Variants in FANCA observed in about 807,000 individuals in gnomAD.
FANCA encodes Fanconi anemia group A protein.
Under a neutral mutation model 194.3 loss-of-function variants are expected in FANCA, and 236 were observed. The observed-to-expected ratio is 1.21, with a 90% CI of 1.09 to 1.35. FANCA has a LOEUF of 1.35. FANCA is among the 40% of genes most tolerant of loss of function. FANCA has a pLI of 0.00. For missense variants in FANCA, 2,628 were observed against 1,813.9 expected, an observed-to-expected ratio of 1.45 and a Z score of -8.15; for synonymous variants, 1,014 against 715.8, an observed-to-expected ratio of 1.42 and a Z score of -6.65.
intron 11 of FANCA, among the ~76,000 whole-genome samples, chr16:89,792,976 A>G (rs9928681): frequency 0.43 from 64,714 of 151,942 alleles, 15,221 homozygotes; most frequent in East Asian, 0.76. Flanking sequence ...TCACTAATTT[A>G]CTACTGCTAT....
At chr16:89,801,074 G>A (rs569229793) in intron 8 of FANCA, among the ~76,000 whole-genome samples, 5 of 147,388 alleles carry the variant, frequency 3.4e-5, no homozygotes, top group South Asian at 2.2e-4. Context: ...GGCCAGGCAC[G>A]GTAGCCCACG....
rs1219627612 is a variant in FANCA at position 89,739,284 on chromosome 16, A to C, written c.4016T>G (p.Leu1339Arg). The C allele has an allele frequency of 1.2e-6, 2 of 1,614,138 alleles. No individual in the cohort carries two copies. The highest frequency in any genetic ancestry group is 1.7e-6 in the Non-Finnish European group (2 of 1,180,042). The change falls in exon 41 of 43, where the codon CTC (leucine) becomes CGC (arginine). Residue 1339 changes from leucine to arginine, a missense_variant. By Grantham distance (102) the Leu-to-Arg change is moderately radical. Transcript: ENST00000389301. ...GGCCGCGTCTTCATGGAAGTAGGAG[A>C]GAAGACTAGAGGTAAAGACATAGTG... ...RLLPFAFYSL[L>R]SYFHEDAAIR...
intron 10 of FANCA, chr16:89,798,761 C>T (rs950296289): frequency 2.2e-6 from 3 of 1,383,172 alleles, no homozygotes; most frequent in African/African-American, 2.9e-5. Flanking sequence ...CAGCGGGAGT[C>T]TGTAGAGGCA....
chr16:89,752,667 C>A (rs976940271), intron 30 of FANCA, among the ~76,000 whole-genome samples: 2 of 152,160 alleles, frequency 1.3e-5, no homozygotes, highest in Non-Finnish European at 2.9e-5. Flanking sequence ...AAAAACCAGG[C>A]CATACAGAGA....
At position 89,739,562 on chromosome 16, in the gene FANCA, C is replaced by T. The variant is rs9282680; in HGVS notation, c.3935-9G>A. On this transcript the variant is annotated splice_polypyrimidine_tract_variant and intron_variant, in intron 39 of 42. Coordinates refer to ENST00000389301, the MANE Select transcript of FANCA (RefSeq NM_000135.4). ...CCGCCCCAGCCTGAGGTCTGCAACACCAAGAAGTGGCTCAGGCAACTCTGG... is the reference window on the plus strand; with the variant it reads ...CCGCCCCAGCCTGAGGTCTGCAACATCAAGAAGTGGCTCAGGCAACTCTGG... 2,772 of 1,551,066 alleles carry T rather than the reference C, an allele frequency of 1.8e-3. 46 individuals are homozygous for T. In the African/African-American group the frequency reaches 0.034, roughly 19 times the overall value.
chr16:89,758,529 A>G (rs751506550), intron 30 of FANCA, 48 bp downstream of exon 30: 10 of 1,603,550 alleles, frequency 6.2e-6, no homozygotes, highest in East Asian at 2.2e-5. Flanking sequence ...TATATATCCT[A>G]TTAGTCCTGT....
At chr16:89,765,808 T>C (rs1422028648) in intron 27 of FANCA, among the ~76,000 whole-genome samples, 1 of 152,192 alleles carries the variant, frequency 6.6e-6, no homozygotes, top group Non-Finnish European at 1.5e-5. Flanking sequence ...CTCCATGTTT[T>C]CTTTAAAAAC....
chr16:89,805,396 G>T lies in FANCA; in HGVS notation c.597-4C>A. ...CACAGCATGCATGTCGGGATGGCTGGAGACACACACAGAGGCAGACGTAAG... is the reference window on the plus strand; with the variant it reads ...CACAGCATGCATGTCGGGATGGCTGTAGACACACACAGAGGCAGACGTAAG... On this transcript the variant is annotated splice_region_variant and splice_polypyrimidine_tract_variant and intron_variant, in intron 6 of 42. Coordinates refer to ENST00000389301, the MANE Select transcript of FANCA (RefSeq NM_000135.4). The T allele has an allele frequency of 6.2e-7, 1 of 1,610,214 alleles. No homozygotes were observed. The highest frequency in any genetic ancestry group is 1.1e-5 in the South Asian group (1 of 90,898).
intron 15 of FANCA, among the ~76,000 whole-genome samples, chr16:89,784,135 G>A (rs1237948215): frequency 2.0e-5 from 3 of 152,048 alleles, no homozygotes; most frequent in South Asian, 2.1e-4. Context: ...GGAGGCCAAG[G>A]CGGAAGGATC....
At position 89,737,930 on chromosome 16, in the gene FANCA, C is replaced by A. The variant is rs751741235; in HGVS notation, c.*671G>T. 3 of 1,610,402 alleles carry A rather than the reference C, an allele frequency of 1.9e-6. No individual in the cohort carries two copies. The highest frequency in any genetic ancestry group is 2.7e-5 in the African/African-American group (2 of 74,248). On this transcript the variant is annotated 3_prime_UTR_variant, in exon 43 of 43. Transcript: ENST00000389301. ...AGTAAGTGTGAGTCAGGACCCCCTC[C>A]CAGGGCTGTGGCCCTCGCACCTTCT... is the stretch of plus-strand genomic sequence containing the variant.
intron 21 of FANCA, among the ~76,000 whole-genome samples, chr16:89,774,300 C>A (rs2238527): frequency 0.06 from 9,094 of 152,118 alleles, 425 homozygotes; most frequent in East Asian, 0.23. Flanking sequence ...CCAAAAGCTA[C>A]GAACAAGTGG....
chr16:89,744,346 G>A (rs1003751490), intron 36 of FANCA, among the ~76,000 whole-genome samples: 4 of 152,164 alleles, frequency 2.6e-5, no homozygotes, highest in South Asian at 2.1e-4. Flanking sequence ...TTAAGAACAC[G>A]GCACCCACAT....
intron 20 of FANCA, among the ~76,000 whole-genome samples, chr16:89,776,081 G>T (rs1055841676): frequency 2.7e-5 from 4 of 150,046 alleles, no homozygotes; most frequent in Admixed American, 2.0e-4. Flanking sequence ...TCCCTGGGCA[G>T]TGAAATTATA....
intron 30 of FANCA, 143 bp from the exon 31 acceptor site, chr16:89,752,365 A>T (rs2038626459): frequency 2.7e-6 from 2 of 753,002 alleles, no homozygotes; most frequent in Non-Finnish European, 4.7e-6. Flanking sequence ...TAAACAACAA[A>T]AACTGCCACA....
intron 27 of FANCA, among the ~76,000 whole-genome samples, chr16:89,766,806 T>C (rs1199978336): frequency 6.6e-6 from 1 of 152,246 alleles, no homozygotes; most frequent in Non-Finnish European, 1.5e-5. Flanking sequence ...GAAAGATACT[T>C]ATTATGAATA....
chr16:89,766,431 G>T (rs894037750), intron 27 of FANCA, among the ~76,000 whole-genome samples: 13 of 151,912 alleles, frequency 8.6e-5, no homozygotes, highest in African/African-American at 2.9e-4. Flanking sequence ...TGTCTGGGCC[G>T]GGCACCAGCG....
chr16:89,807,819 C>A (rs2040716593), intron 6 of FANCA, among the ~76,000 whole-genome samples: 1 of 150,694 alleles, frequency 6.6e-6, no homozygotes, highest in Non-Finnish European at 1.5e-5. Flanking sequence ...GGAGGTGGAG[C>A]CTGCAGTGAG....
intron 5 of FANCA, among the ~76,000 whole-genome samples, chr16:89,808,910 ATTTTT>A (rs112058471): frequency 1.4e-5 from 2 of 140,608 alleles, no homozygotes; most frequent in Admixed American, 1.4e-4. Flanking sequence ...CTCACACTCT[ATTTTT>A]TTTTTTTTGA....
At chr16:89,815,723 G>C (rs554453946) in intron 2 of FANCA, among the ~76,000 whole-genome samples, 154 bp downstream of exon 2, 2 of 152,204 alleles carry the variant, frequency 1.3e-5, no homozygotes, top group Admixed American at 1.3e-4. Flanking sequence ...GCCCAGGTTG[G>C]TCCAGAACTC....
Sources: gnomAD v4.1 joint callset for allele counts (sites outside exome capture counted in the v4.1 genomes callset) on GRCh38, gnomAD v4.1.1 for gene constraint, MANE v1.5 for transcripts, NCBI Gene and HGNC (gene_info 2026-07-23, HGNC 2026-07-21) for gene names.